LRRC4C: variants seen among roughly 807,000 people sequenced by gnomAD.
The protein encoded by LRRC4C is leucine rich repeat containing 4C.
Under a neutral mutation model 33.6 loss-of-function variants are expected in LRRC4C, and 5 were observed. The observed-to-expected ratio is 0.15, with a 90% CI of 0.08 to 0.31. The LOEUF (loss-of-function observed/expected upper bound fraction) is 0.31. LRRC4C is among the 10% of genes least tolerant of loss of function. The probability of loss-of-function intolerance (pLI) is 1.00; values close to 1 mark genes in which losing one functional copy is unlikely to be tolerated. For synonymous variants in LRRC4C, 329 were observed against 302.0 expected (o/e 1.09, Z -0.93); for missense variants, 560 against 796.7 (o/e 0.70, Z 3.58).
intron 1 of LRRC4C, among the ~76,000 whole-genome samples, chr11:41,353,636 A>G (rs1339917055): frequency 6.6e-6 from 1 of 152,198 alleles, no homozygotes; most frequent in African/African-American, 2.4e-5. Flanking sequence ...AATACTAGCA[A>G]ATGGAATCCA....
At chr11:41,220,488 T>TA (rs1947255706) in intron 1 of LRRC4C, among the ~76,000 whole-genome samples, 1 of 148,098 alleles carries the variant, frequency 6.8e-6, no homozygotes. Flanking sequence ...GAAAACAGCT[T>TA]TTTTTTTTTC....
intron 1 of LRRC4C, among the ~76,000 whole-genome samples, chr11:41,225,649 A>ATT (rs377351841): frequency 1.1e-4 from 16 of 151,668 alleles, no homozygotes; most frequent in African/African-American, 3.9e-4. Flanking sequence ...ATTTATATAT[A>ATT]TTTTTTTGTT....
At chr11:40,738,886 T>C (rs1008246434) in intron 2 of LRRC4C, among the ~76,000 whole-genome samples, 1 of 152,130 alleles carries the variant, frequency 6.6e-6, no homozygotes, top group Non-Finnish European at 1.5e-5. Context: ...TCAGCTTTAA[T>C]GAGATGCAAT....
intron 5 of LRRC4C, among the ~76,000 whole-genome samples, chr11:40,236,414 A>G (rs1255346936): frequency 2.6e-5 from 4 of 152,168 alleles, no homozygotes; most frequent in Admixed American, 2.0e-4. Flanking sequence ...TTAAAGATTC[A>G]ATCTTTGTTC....
At chr11:41,271,712 T>G (rs80239539) in intron 1 of LRRC4C, among the ~76,000 whole-genome samples, 54 of 152,178 alleles carry the variant, frequency 3.5e-4, no homozygotes. Context: ...GTATGTGTCA[T>G]GAGACCAGGA....
At chr11:40,363,371 C>T (rs925874549) in intron 3 of LRRC4C, among the ~76,000 whole-genome samples, 2 of 151,980 alleles carry the variant, frequency 1.3e-5, no homozygotes, top group African/African-American at 2.4e-5. Context: ...ATTATATGAA[C>T]ACATAGAGGG....
At chr11:41,102,669 C>T (rs1333389452) in intron 1 of LRRC4C, among the ~76,000 whole-genome samples, 2 of 152,092 alleles carry the variant, frequency 1.3e-5, no homozygotes, top group Admixed American at 6.6e-5. Flanking sequence ...TTATTCAACT[C>T]ATTTCTCTCT....
At chr11:41,355,896 A>G (rs1952144166) in intron 1 of LRRC4C, among the ~76,000 whole-genome samples, 2 of 152,092 alleles carry the variant, frequency 1.3e-5, no homozygotes, top group Non-Finnish European at 2.9e-5. Flanking sequence ...AATATGTCAA[A>G]CCAAATTTGA....
At chr11:40,940,253 C>T (rs1253164876) in intron 1 of LRRC4C, among the ~76,000 whole-genome samples, 1 of 152,020 alleles carries the variant, frequency 6.6e-6, no homozygotes, top group Admixed American at 6.6e-5. Flanking sequence ...AAACAAAGTG[C>T]TCATGAAAAA....
At chr11:41,108,473 T>C (rs1313822747) in intron 1 of LRRC4C, among the ~76,000 whole-genome samples, 1 of 152,138 alleles carries the variant, frequency 6.6e-6, no homozygotes, top group East Asian at 1.9e-4. Flanking sequence ...GAGGCACTTA[T>C]TTTTGTTCAT....
At chr11:40,314,726 A>G (rs1945491795) in intron 4 of LRRC4C, among the ~76,000 whole-genome samples, 1 of 152,150 alleles carries the variant, frequency 6.6e-6, no homozygotes, top group Non-Finnish European at 1.5e-5. Context: ...CATAAAAAAG[A>G]ATAAAATTCT....
chr11:40,723,570 G>GT (rs1388331695), intron 2 of LRRC4C, among the ~76,000 whole-genome samples: 2 of 152,184 alleles, frequency 1.3e-5, no homozygotes, highest in East Asian at 3.9e-4. Flanking sequence ...AATGAAATTT[G>GT]TTACCACTAG....
At chr11:41,077,098 C>T (rs1183494418) in intron 1 of LRRC4C, among the ~76,000 whole-genome samples, 1 of 152,188 alleles carries the variant, frequency 6.6e-6, no homozygotes, top group Non-Finnish European at 1.5e-5. Flanking sequence ...CAGCTCTGCC[C>T]CTGTCACTCT....
Position 40,956,684 on chromosome 11 carries a change from A to G in LRRC4C, c.-495-22961T>C, listed in dbSNP as rs1958970054. 2.0e-5 allele frequency among the ~76,000 whole-genome samples: 3 copies of G among 151,756 alleles called. No homozygotes were observed. In the South Asian group the frequency reaches 6.2e-4, roughly 31 times the overall value. ...TCTGTCTACCTAAAAATCAGCAAAA[A>G]TCTTGATTTATCTCTTCTCTATGTC... On this transcript the variant is annotated intron_variant, in intron 1 of 6. Coordinates refer to ENST00000528697, the MANE Select transcript of LRRC4C (RefSeq NM_001258419.2).
intron 2 of LRRC4C, among the ~76,000 whole-genome samples, chr11:40,687,201 A>G (rs927571417): frequency 3.3e-5 from 5 of 152,142 alleles, no homozygotes; most frequent in Non-Finnish European, 7.4e-5. Context: ...TACAATGCCC[A>G]AAGTCACACA....
At chr11:40,136,413 C>A (rs556485581) in intron 6 of LRRC4C, among the ~76,000 whole-genome samples, 134 of 151,784 alleles carry the variant, frequency 8.8e-4, no homozygotes, top group African/African-American at 3.2e-3. Flanking sequence ...ACTACAGGCA[C>A]CTGCCACCAT....
intron 2 of LRRC4C, among the ~76,000 whole-genome samples, chr11:40,866,437 A>G (rs1252006930): frequency 6.6e-6 from 1 of 152,172 alleles, no homozygotes; most frequent in African/African-American, 2.4e-5. Flanking sequence ...CAATTATGCT[A>G]TAATTAAGAT....
chr11:41,165,995 C>G (rs1168888653), intron 1 of LRRC4C, among the ~76,000 whole-genome samples: 1 of 150,960 alleles, frequency 6.6e-6, no homozygotes, highest in African/African-American at 2.4e-5. Flanking sequence ...CGTGCCATTG[C>G]ACTCCAGCCT....
chr11:40,514,917 C>A (rs187506446), intron 3 of LRRC4C, among the ~76,000 whole-genome samples: 2 of 152,178 alleles, frequency 1.3e-5, no homozygotes, highest in Admixed American at 1.3e-4. Flanking sequence ...GTTTTATAAA[C>A]CTACCTATCT....
Sources: allele counts gnomAD v4.1 joint callset (sites outside exome capture counted in the v4.1 genomes callset), GRCh38; gene constraint gnomAD v4.1.1; transcripts MANE v1.5; gene names NCBI Gene and HGNC (gene_info 2026-07-23, HGNC 2026-07-21).